The following FMC1 variants were observed in gnomAD, a reference collection of about 807,000 sequenced individuals.
FMC1 encodes formation of mitochondrial complex V assembly factor 1, also known as protein FMC1 homolog.
A neutral mutation model predicts 10.5 loss-of-function variants in FMC1; 6 were observed. The ratio of observed to expected loss-of-function variants is 0.57; its 90% CI spans 0.31 to 1.12. The LOEUF is 1.12. FMC1 is among the 50% of genes most tolerant of loss of function. FMC1 has a pLI of 0.05. For synonymous variants in FMC1, 59 were observed against 62.1 expected, an observed-to-expected ratio of 0.95 and a Z score of 0.24; for missense variants, 146 against 151.7, an observed-to-expected ratio of 0.96 and a Z score of 0.20.
upstream of FMC1, chr7:139,341,275 A>AG: frequency 2.7e-6 from 4 of 1,484,326 alleles, no homozygotes; most frequent in Non-Finnish European, 3.6e-6. Context: ...GTCAGTCGAT[A>AG]GGGGGAGTCG....
intron 1 of FMC1, among the ~76,000 whole-genome samples, chr7:139,343,607 G>T (rs1438434501): frequency 6.6e-6 from 1 of 152,106 alleles, no homozygotes; most frequent in Non-Finnish European, 1.5e-5. Flanking sequence ...ACACATTCTA[G>T]TTTTCAGATT....
At position 139,345,918 on chromosome 7, in the gene FMC1, A is replaced by AT. The variant is rs568629078; in HGVS notation, c.*221dup. Reference sequence around the variant, plus strand: ...TGATGTTGTTTTTCTACTTAAAAAAATTTTTTTATATTTTATTTTAAAAGT... The same window carrying AT: ...TGATGTTGTTTTTCTACTTAAAAAAATTTTTTTTATATTTTATTTTAAAAGT... On this transcript the variant is annotated 3_prime_UTR_variant, in exon 2 of 2. Coordinates refer to ENST00000297534, the MANE Select transcript of FMC1 (RefSeq NM_197964.5). 167 of 440,144 alleles carry AT rather than the reference A, an allele frequency of 3.8e-4. No homozygotes were observed. Among genetic ancestry groups the AT allele is most frequent in the African/African-American group, 3.1e-3 (151 of 48,096 alleles). The allele number at this position is 440,144 out of a possible 1,614,324, so 27.3% of individuals were successfully genotyped here. A position where few individuals can be genotyped will look rare whatever the true frequency, so the allele number is the denominator to read the frequency against.
rs1158441170 is a variant in FMC1, at chr7:139,345,912, A to T, written c.*208A>T. The T allele has an allele frequency of 1.2e-5, 6 of 500,628 alleles. No homozygotes were observed. In the South Asian group the frequency reaches 1.5e-4, roughly 13 times the overall value. 31.0% of individuals were successfully genotyped at this position (500,628 alleles called of 1,614,324 possible). ...CTAGACTGATGTTGTTTTTCTACTT[A>T]AAAAAATTTTTTTATATTTTATTTT... On this transcript the variant is annotated 3_prime_UTR_variant, in exon 2 of 2. Coordinates refer to ENST00000297534, the MANE Select transcript of FMC1 (RefSeq NM_197964.5).
At position 139,341,517 on chromosome 7, in the gene FMC1, C is replaced by T. The variant is rs1357828137; in HGVS notation, c.133C>T (p.His45Tyr). The change falls in exon 1 of 2, where the codon CAT becomes TAT. Residue 45 changes from histidine to tyrosine, a missense_variant. Physicochemically the swap from His to Tyr is moderately conservative, Grantham distance 83. Coordinates refer to ENST00000297534, the MANE Select transcript of FMC1 (RefSeq NM_197964.5). ...GTACCTTGTGAAGGCTTTCCGTGCA[C>T]ATCGGGTACGGGAGCCATGTCCCGG... is the stretch of plus-strand genomic sequence containing the variant. The part of the protein sequence containing the change: ...YRYLVKAFRA[H>Y]RVTSEKLCRA... 2 of 1,612,254 alleles carry T rather than the reference C, an allele frequency of 1.2e-6. No homozygotes were observed. The highest frequency in any genetic ancestry group is 1.7e-6 in the Non-Finnish European group (2 of 1,178,756).
At chr7:139,342,154 C>A (rs1472782589) in intron 1 of FMC1, among the ~76,000 whole-genome samples, 1 of 151,440 alleles carries the variant, frequency 6.6e-6, no homozygotes, top group Admixed American at 6.6e-5. Flanking sequence ...TGCTAGGAAC[C>A]TGGTCTAAAC....
intron 1 of FMC1, among the ~76,000 whole-genome samples, chr7:139,344,034 A>C (rs1229852964): frequency 6.6e-6 from 1 of 151,678 alleles, no homozygotes; most frequent in Non-Finnish European, 1.5e-5. Context: ...AGAGCTATGC[A>C]CACATCCCCA....
intron 1 of FMC1, among the ~76,000 whole-genome samples, chr7:139,342,218 A>G (rs1799017569): frequency 6.6e-6 from 1 of 152,176 alleles, no homozygotes; most frequent in Admixed American, 6.5e-5. Flanking sequence ...CTGCCCACCT[A>G]AGGAGCCATA....
At chr7:139,343,926 C>A (rs10262050) in intron 1 of FMC1, among the ~76,000 whole-genome samples, 54,131 of 104,082 alleles carry the variant, frequency 0.52, 14,446 homozygotes, top group African/African-American at 0.8. Flanking sequence ...ACCCTGTCCC[C>A]AAAAAAAAAA....
chr7:139,342,623 C>T (rs1232147921), intron 1 of FMC1, among the ~76,000 whole-genome samples: 3 of 152,120 alleles, frequency 2.0e-5, no homozygotes, highest in South Asian at 2.1e-4. Context: ...ACACCACGCC[C>T]GGCTAATTTT....
upstream of FMC1, chr7:139,340,539 T>C (rs963239093): frequency 5.0e-6 from 2 of 398,398 alleles, no homozygotes; most frequent in Admixed American, 8.8e-5. Context: ...GGCGCGGTGA[T>C]GTGGACTTTT....
chr7:139,341,660 C>T, intron 1 of FMC1, 138 bp downstream of exon 1: 2 of 1,415,770 alleles, frequency 1.4e-6, no homozygotes, highest in Non-Finnish European at 1.9e-6. Flanking sequence ...TCTGACCAAA[C>T]CAACCCAGGC....
chr7:139,343,674 C>T (rs1006536751), intron 1 of FMC1, among the ~76,000 whole-genome samples: 3 of 152,158 alleles, frequency 2.0e-5, no homozygotes, highest in Non-Finnish European at 4.4e-5. Context: ...GTGGCTCACA[C>T]CTGTAATCCC....
At chr7:139,344,695 CT>C (rs1026301999) in intron 1 of FMC1, among the ~76,000 whole-genome samples, 35 of 116,362 alleles carry the variant, frequency 3.0e-4, no homozygotes, top group East Asian at 1.0e-3. Context: ...AATTTTCTTT[CT>C]TTTTTTTTTT....
Position 139,345,504 on chromosome 7 carries a change from AC to A in FMC1, c.144del (p.Ser49ValfsTer77). The A allele has an allele frequency of 6.2e-7, 1 of 1,614,200 alleles. No homozygotes were observed. The highest frequency in any genetic ancestry group is 2.2e-5 in the East Asian group (1 of 44,878). On this transcript the variant is annotated frameshift_variant, in exon 2 of 2. Transcript: ENST00000297534. LOFTEE classifies it high-confidence loss of function. ...LVKAFRAHRV[T>X]SEKLCRAQHE... The stretch of plus-strand genomic sequence containing the variant: ...TTCTGACTTGCTGCTTCTCTAGGTC[AC>A]CAGTGAAAAGTTGTGCAGAGCCCAA...
chr7:139,344,600 G>A (rs1726698611), intron 1 of FMC1, among the ~76,000 whole-genome samples: 1 of 151,426 alleles, frequency 6.6e-6, no homozygotes, highest in African/African-American at 2.4e-5. Flanking sequence ...TAAGTAATAT[G>A]AACATAAGCA....
chr7:139,342,490 C>G (rs544973273), intron 1 of FMC1, among the ~76,000 whole-genome samples: 4 of 152,096 alleles, frequency 2.6e-5, no homozygotes, highest in African/African-American at 9.6e-5. Context: ...AGTGGTAGGC[C>G]GAACAGGAAC....
At chr7:139,341,045 C>A (rs186975421), upstream of FMC1, 6 of 231,292 alleles carry the variant, frequency 2.6e-5, no homozygotes, top group East Asian at 9.3e-5. Context: ...CCCACACCCC[C>A]CGCCGGGCCC....
At position 139,341,413 on chromosome 7, in the gene FMC1, C is replaced by T. The variant is rs375052584; in HGVS notation, c.29C>T (p.Thr10Ile). The change falls in exon 1 of 2, where the codon ACT becomes ATT. Residue 10 changes from threonine to isoleucine, a missense_variant. Transcript: ENST00000297534. The part of the protein sequence containing the change: MAALGSPSH[T>I]FRGLLRELRY... ...GCGGCCTTAGGGTCCCCGTCGCACA[C>T]TTTTCGAGGACTTCTGCGGGAGTTG... 2.0e-5 allele frequency: 32 copies of T among 1,613,516 alleles called. No homozygotes were observed. In the African/African-American group the frequency reaches 2.5e-4, roughly 13 times the overall value.
At chr7:139,344,668 T>C (rs941835202) in intron 1 of FMC1, among the ~76,000 whole-genome samples, 1 of 151,912 alleles carries the variant, frequency 6.6e-6, no homozygotes, top group African/African-American at 2.4e-5. Flanking sequence ...GCTATCATTT[T>C]TCAGACAAAA....
Sources: allele counts gnomAD v4.1 joint callset (sites outside exome capture counted in the v4.1 genomes callset), GRCh38; gene constraint gnomAD v4.1.1; transcripts MANE v1.5; gene names NCBI Gene and HGNC (gene_info 2026-07-23, HGNC 2026-07-21).